SLC6A11: variants seen among roughly 807,000 people sequenced by gnomAD.
SLC6A11 encodes the protein solute carrier family 6 member 11, also known as sodium- and chloride-dependent GABA transporter 3.
In SLC6A11, 25 loss-of-function variants were observed where a neutral mutation model predicts 74.8. The observed-to-expected ratio is 0.33, with a 90% CI of 0.24 to 0.47. The LOEUF is 0.47. SLC6A11 is among the 20% of genes least tolerant of loss of function. The probability of loss-of-function intolerance (pLI) is 1.00; values close to 1 mark genes in which losing one functional copy is unlikely to be tolerated. For synonymous variants in SLC6A11, 330 were observed against 330.2 expected (o/e 1.00, Z 0.01); for missense variants, 574 against 837.0 (o/e 0.69, Z 3.88).
rs34707916 is a variant in SLC6A11, at chr3:10,818,068, ATTTT to A, written c.257-1383_257-1380del. 1.4e-4 allele frequency among the ~76,000 whole-genome samples: 19 copies of A among 137,592 alleles called. No homozygotes were observed. In the East Asian group the frequency reaches 1.4e-3, roughly 10 times the overall value. The allele number at this position is 137,592 out of a possible 152,430, so 90.3% of individuals were successfully genotyped here. ...GGGTTAATTACAAATTCTGTCACAG[ATTTT>A]TTTTTTTTTTTTTAAAAAAAAAGGT... On this transcript the variant is annotated intron_variant, in intron 1 of 13. Transcript: ENST00000254488.
chr3:10,915,545 T>C lies in SLC6A11; in HGVS notation c.996-2784T>C, dbSNP rs7649311. On this transcript the variant is annotated intron_variant, in intron 7 of 13. Transcript: ENST00000254488. This position sits in a 1 kb window ranked among gnomAD's most constrained non-coding sequence, Gnocchi z 4.3. The stretch of plus-strand genomic sequence containing the variant: ...AGTGCCTGCCGACTTCAAAGCACTG[T>C]TACATAAGCGTTTTACCTAGACGTG... Among the ~76,000 whole-genome samples, 2,899 of 152,220 alleles carry C rather than the reference T, an allele frequency of 0.019. 102 individuals are homozygous for C. The highest frequency in any genetic ancestry group is 0.067 in the African/African-American group (2,763 of 41,514).
At chr3:10,834,450 C>G (rs567216082) in intron 4 of SLC6A11, among the ~76,000 whole-genome samples, 1 of 151,926 alleles carries the variant, frequency 6.6e-6, no homozygotes, top group South Asian at 2.1e-4. Flanking sequence ...AAGCCTTCAG[C>G]ATCCAGCAAC....
In SLC6A11 at chr3:10,934,099, T is replaced by G. The variant is rs1444677390; in HGVS notation, c.1508T>G (p.Met503Arg). 1 of 1,613,868 alleles carries G rather than the reference T, an allele frequency of 6.2e-7. No homozygotes were observed. The highest frequency in any genetic ancestry group is 8.5e-7 in the Non-Finnish European group (1 of 1,179,848). Residue 503 changes from methionine to arginine, a missense_variant, in exon 12 of 14, where the codon ATG becomes AGG. Coordinates refer to ENST00000254488, the MANE Select transcript of SLC6A11 (RefSeq NM_014229.3). ...CGGTTCTATGATAACATTGAAGACA[T>G]GATTGGCTACCGGCCACCGTCGCTC... Reference protein sequence around the residue: ...SNRFYDNIEDMIGYRPPSLIK... With the variant: ...SNRFYDNIEDRIGYRPPSLIK...
At chr3:10,875,130 A>G (rs774301273) in intron 6 of SLC6A11, 35 bp downstream of exon 6, 11 of 1,545,828 alleles carry the variant, frequency 7.1e-6, no homozygotes, top group Non-Finnish European at 9.7e-6. Flanking sequence ...AGCATCACCC[A>G]CCACCACTGG....
At chr3:10,919,499 G>T (rs1695507241) in intron 8 of SLC6A11, among the ~76,000 whole-genome samples, 1 of 152,154 alleles carries the variant, frequency 6.6e-6, no homozygotes, top group Non-Finnish European at 1.5e-5. Context: ...CCAGGGTGTG[G>T]CTATTTAGGT....
Position 10,934,398 on chromosome 3 carries a change from C to T in SLC6A11, c.1575+232C>T, listed in dbSNP as rs78009009. On this transcript the variant is annotated intron_variant, in intron 12 of 13. Transcript: ENST00000254488. ...CTGTGTGACTAGGAGCACAGCGCCTCCCTTCTCAGGACGTCAGGTGCTGCA... is the reference window on the plus strand; with the variant it reads ...CTGTGTGACTAGGAGCACAGCGCCTTCCTTCTCAGGACGTCAGGTGCTGCA... Among the ~76,000 whole-genome samples the T allele has an allele frequency of 5.1e-3, 783 of 152,298 alleles. 2 individuals carry two copies. Among genetic ancestry groups the T allele is most frequent in the Middle Eastern group, 0.017 (5 of 294 alleles).
chr3:10,889,981 C>T (rs751624689), intron 6 of SLC6A11, among the ~76,000 whole-genome samples: 8 of 152,164 alleles, frequency 5.3e-5, no homozygotes, highest in Non-Finnish European at 1.2e-4. Context: ...CTTTCTAGAA[C>T]TACATTGTCC....
chr3:10,865,300 G>A lies in SLC6A11; in HGVS notation c.757-9661G>A, dbSNP rs543166284. On this transcript the variant is annotated intron_variant, in intron 5 of 13. Transcript: ENST00000254488. ...ACCGCCAAGCCCATGCATGCGCCTTGTGCTTGGTGATGGGGCCCATGCCAA... is the reference window on the plus strand; with the variant it reads ...ACCGCCAAGCCCATGCATGCGCCTTATGCTTGGTGATGGGGCCCATGCCAA... 2.2e-3 allele frequency among the ~76,000 whole-genome samples: 340 copies of A among 152,332 alleles called. 2 individuals are homozygous for A. Among genetic ancestry groups the A allele is most frequent in the Admixed American group, 3.6e-3 (55 of 15,298 alleles).
In SLC6A11 at chr3:10,868,096, T is replaced by A. The variant is rs115258811; in HGVS notation, c.757-6865T>A. ...GCCAAAAAATACTGGGAAGATGCTA[T>A]GAATGATTGAAGTTTGGATTAGTCT... On this transcript the variant is annotated intron_variant, in intron 5 of 13. Coordinates refer to ENST00000254488, the MANE Select transcript of SLC6A11 (RefSeq NM_014229.3). 8.5e-3 allele frequency among the ~76,000 whole-genome samples: 1,289 copies of A among 152,310 alleles called. 22 individuals carry two copies. Among genetic ancestry groups the A allele is most frequent in the African/African-American group, 0.029 (1,202 of 41,560 alleles).
At chr3:10,904,527 G>C (rs1695279318) in intron 6 of SLC6A11, among the ~76,000 whole-genome samples, 1 of 152,198 alleles carries the variant, frequency 6.6e-6, no homozygotes, top group African/African-American at 2.4e-5. Flanking sequence ...CTCAGCTACT[G>C]ACCCAGCTTC....
intron 6 of SLC6A11, among the ~76,000 whole-genome samples, chr3:10,891,024 AG>A (rs1171861955): frequency 2.0e-5 from 3 of 152,168 alleles, no homozygotes; most frequent in Non-Finnish European, 4.4e-5. Context: ...AATCCTTTCT[AG>A]CTCCCAGCTC....
intron 6 of SLC6A11, among the ~76,000 whole-genome samples, chr3:10,891,461 G>A (rs1695106734): frequency 6.6e-6 from 1 of 152,080 alleles, no homozygotes; most frequent in African/African-American, 2.4e-5. Flanking sequence ...ATAAAATCAT[G>A]TGTCAGTGGT....
intron 6 of SLC6A11, among the ~76,000 whole-genome samples, chr3:10,908,155 T>C (rs1695334786): frequency 6.6e-6 from 1 of 152,180 alleles, no homozygotes; most frequent in South Asian, 2.1e-4. Context: ...TAAAGGCTAT[T>C]ATGTGATGGT....
intron 7 of SLC6A11, among the ~76,000 whole-genome samples, chr3:10,914,471 G>C (rs1211741914): frequency 6.6e-6 from 1 of 151,912 alleles, no homozygotes; most frequent in East Asian, 2.0e-4. Flanking sequence ...TCAAGACAAT[G>C]GGGAAGTTAA....
At chr3:10,886,825 AT>A (rs1695048635) in intron 6 of SLC6A11, among the ~76,000 whole-genome samples, 1 of 151,312 alleles carries the variant, frequency 6.6e-6, no homozygotes, top group South Asian at 2.1e-4. Context: ...AAAAAAAAAA[AT>A]CTCTCCCTAG....
chr3:10,816,621 C>A lies in SLC6A11; in HGVS notation c.256+100C>A. On this transcript the variant is annotated intron_variant, in intron 1 of 13. Transcript: ENST00000254488. The surrounding 1 kb of genome is among the most constrained non-coding windows in gnomAD (Gnocchi z 4.2). Reference sequence around the variant, plus strand: ...GACCCCCTCCCGCGCCTGCGTGGAGCGGAACCCGAGCGGAGAACCTCGACT... The same window carrying A: ...GACCCCCTCCCGCGCCTGCGTGGAGAGGAACCCGAGCGGAGAACCTCGACT... The A allele has an allele frequency of 1.6e-6, 2 of 1,265,230 alleles. No homozygotes were observed. Among genetic ancestry groups the A allele is most frequent in the Non-Finnish European group, 2.1e-6 (2 of 949,438 alleles). 78.4% of individuals were successfully genotyped at this position (1,265,230 alleles called of 1,614,324 possible). A position where few individuals can be genotyped will look rare whatever the true frequency, so the allele number is the denominator to read the frequency against.
At chr3:10,837,703 C>T (rs1694384145) in intron 4 of SLC6A11, among the ~76,000 whole-genome samples, 1 of 152,204 alleles carries the variant, frequency 6.6e-6, no homozygotes, top group African/African-American at 2.4e-5. Context: ...GTGGAACAGC[C>T]TGCTTATTCA....
At chr3:10,833,766 CT>C (rs1300170750) in intron 4 of SLC6A11, among the ~76,000 whole-genome samples, 2 of 152,172 alleles carry the variant, frequency 1.3e-5, no homozygotes, top group Non-Finnish European at 1.5e-5. Flanking sequence ...AGTAACTGGG[CT>C]TAATAAATAC....
intron 6 of SLC6A11, among the ~76,000 whole-genome samples, chr3:10,882,259 G>A (rs906239607): frequency 1.3e-5 from 2 of 152,228 alleles, no homozygotes; most frequent in Non-Finnish European, 2.9e-5. Flanking sequence ...CAGAAGTGGG[G>A]AGAATAGCTT....
Sources: allele counts gnomAD v4.1 joint callset (sites outside exome capture counted in the v4.1 genomes callset), GRCh38; gene constraint gnomAD v4.1.1; non-coding constraint Gnocchi (gnomAD v3.1); transcripts MANE v1.5; gene names NCBI Gene and HGNC (gene_info 2026-07-23, HGNC 2026-07-21).